TRPM3: variants seen among roughly 807,000 people sequenced by gnomAD.
TRPM3 encodes the protein long transient receptor potential channel 3.
Under a neutral mutation model 181.2 loss-of-function variants are expected in TRPM3, and 77 were observed. The ratio of observed to expected loss-of-function variants is 0.42; its 90% CI spans 0.35 to 0.51. The LOEUF (loss-of-function observed/expected upper bound fraction) is 0.51, where lower values mean the gene tolerates loss of function less well. Among genes scored for constraint, TRPM3 ranks in the 20% least tolerant of loss-of-function variants. The pLI, the probability that TRPM3 is intolerant of heterozygous loss-of-function variation, is 0.01. For missense variants in TRPM3, 1,759 were observed against 2,196.7 expected, an observed-to-expected ratio of 0.80 and a Z score of 3.98; for synonymous variants, 745 against 796.4, an observed-to-expected ratio of 0.94 and a Z score of 1.09.
Position 70,535,669 on chromosome 9 carries a change from C to T in TRPM3, c.*284G>A, listed in dbSNP as rs1003787775. 2.6e-5 allele frequency: 38 copies of T among 1,440,014 alleles called. No homozygotes were observed. Among genetic ancestry groups the T allele is most frequent in the Middle Eastern group, 2.4e-4 (1 of 4,102 alleles). 89.2% of individuals were successfully genotyped at this position (1,440,014 alleles called of 1,614,324 possible). A position where few individuals can be genotyped will look rare whatever the true frequency, so the allele number is the denominator to read the frequency against. The stretch of plus-strand genomic sequence containing the variant: ...CTCTCATGGCTTTCTGCTGTGACTG[C>T]GGATACACATTCATCTCTAACCCTT... On this transcript the variant is annotated 3_prime_UTR_variant, in exon 26 of 26. Transcript: ENST00000677713.
chr9:71,337,926 C>G (rs2090674695), intron 1 of TRPM3, among the ~76,000 whole-genome samples: 1 of 152,094 alleles, frequency 6.6e-6, no homozygotes, highest in Non-Finnish European at 1.5e-5. Flanking sequence ...ACACCAGGCC[C>G]TGTTGCAGGG....
intron 1 of TRPM3, among the ~76,000 whole-genome samples, chr9:71,097,886 A>G (rs2067597306): frequency 6.6e-6 from 1 of 152,180 alleles, no homozygotes; most frequent in South Asian, 2.1e-4. Flanking sequence ...CAGATGGCAC[A>G]AAGTTAGAGA....
intron 25 of TRPM3, among the ~76,000 whole-genome samples, chr9:70,542,160 G>C (rs2131668504): frequency 6.6e-6 from 1 of 152,272 alleles, no homozygotes; most frequent in Middle Eastern, 3.4e-3. Flanking sequence ...AGGTGTCACA[G>C]ATATAAACAG....
Position 70,777,936 on chromosome 9 carries a change from C to T in TRPM3, c.1148+6169G>A, listed in dbSNP as rs371124603. 4.6e-5 allele frequency among the ~76,000 whole-genome samples: 7 copies of T among 151,738 alleles called. No homozygotes were observed. The South Asian group carries it at 6.2e-4, about 14-fold the overall frequency. ...GGATTAATATATATACTTATGTATACGTAAAGTAATCTTATTGGATTAATT... is the reference window on the plus strand; with the variant it reads ...GGATTAATATATATACTTATGTATATGTAAAGTAATCTTATTGGATTAATT... On this transcript the variant is annotated intron_variant, in intron 7 of 25. Transcript: ENST00000677713.
intron 9 of TRPM3, among the ~76,000 whole-genome samples, chr9:70,670,464 A>T (rs1177917838): frequency 6.6e-6 from 1 of 152,176 alleles, no homozygotes; most frequent in East Asian, 1.9e-4. Flanking sequence ...TTGGACTGAG[A>T]TCTGTTTGGA....
At chr9:71,393,091 TG>T (rs2093101786) in intron 1 of TRPM3, among the ~76,000 whole-genome samples, 1 of 152,050 alleles carries the variant, frequency 6.6e-6, no homozygotes, top group African/African-American at 2.4e-5. Flanking sequence ...GATAAAGATG[TG>T]GAAAATGTCT....
intron 8 of TRPM3, chr9:70,760,568 C>T (rs1243233538): frequency 6.6e-6 from 1 of 151,740 alleles, no homozygotes; most frequent in Admixed American, 6.6e-5. Context: ...TTCTCATCTT[C>T]ACTCATCTCA....
chr9:71,103,919 CT>C (rs201494267), intron 1 of TRPM3, among the ~76,000 whole-genome samples: 317 of 144,830 alleles, frequency 2.2e-3, no homozygotes, highest in East Asian at 6.6e-3. Context: ...TGCAGCAATC[CT>C]TTTTTTTTTT....
At chr9:70,700,334 G>A (rs906433279) in intron 8 of TRPM3, among the ~76,000 whole-genome samples, 10 of 152,112 alleles carry the variant, frequency 6.6e-5, no homozygotes, top group Non-Finnish European at 1.5e-4. Context: ...GGGGGAAAGT[G>A]ACAGGTTTAT....
intron 1 of TRPM3, among the ~76,000 whole-genome samples, chr9:70,892,253 C>G (rs984010617): frequency 6.6e-6 from 1 of 151,640 alleles, no homozygotes; most frequent in African/African-American, 2.4e-5. Context: ...TATACAGTAC[C>G]AAAAGTGAAA....
At chr9:71,410,983 C>CAAAAACA (rs1400871584) in intron 1 of TRPM3, among the ~76,000 whole-genome samples, 3 of 152,182 alleles carry the variant, frequency 2.0e-5, no homozygotes, top group East Asian at 3.8e-4. Context: ...ATCATATAAA[C>CAAAAACA]AGAACCAAAG....
At chr9:71,044,498 G>A (rs1156954948) in intron 1 of TRPM3, among the ~76,000 whole-genome samples, 1 of 152,074 alleles carries the variant, frequency 6.6e-6, no homozygotes, top group Non-Finnish European at 1.5e-5. Flanking sequence ...GTTCTTTCTA[G>A]TTATTTCTAC....
At chr9:70,784,404 A>T in intron 6 of TRPM3, 125 bp from the exon 7 acceptor site, 2 of 1,029,662 alleles carry the variant, frequency 1.9e-6, no homozygotes, top group Non-Finnish European at 1.4e-6. Context: ...AGGTAGCAAC[A>T]TATGAAGGGA....
intron 1 of TRPM3, among the ~76,000 whole-genome samples, chr9:70,981,876 T>A (rs537979371): frequency 6.6e-6 from 1 of 152,300 alleles, no homozygotes; most frequent in East Asian, 1.9e-4. Flanking sequence ...CTTTGTATTA[T>A]CCCCAAACAA....
At chr9:71,098,906 C>T (rs1284559693) in intron 1 of TRPM3, among the ~76,000 whole-genome samples, 1 of 152,140 alleles carries the variant, frequency 6.6e-6, no homozygotes, top group East Asian at 1.9e-4. Context: ...TCATGCCTCC[C>T]TAGGCATTGC....
intron 1 of TRPM3, among the ~76,000 whole-genome samples, chr9:70,958,111 G>A (rs144658226): frequency 4.4e-4 from 67 of 152,272 alleles, no homozygotes; most frequent in African/African-American, 1.5e-3. Context: ...TCCCTTGGGA[G>A]TGCTCCCTGA....
chr9:70,571,257 C>A (rs2052256096), intron 22 of TRPM3, among the ~76,000 whole-genome samples: 1 of 152,164 alleles, frequency 6.6e-6, no homozygotes, highest in Non-Finnish European at 1.5e-5. Flanking sequence ...TAACCTTTGG[C>A]AGGTCACACA....
At chr9:70,547,315 C>T (rs2045241628) in intron 25 of TRPM3, among the ~76,000 whole-genome samples, 1 of 151,924 alleles carries the variant, frequency 6.6e-6, no homozygotes, top group Admixed American at 6.6e-5. Context: ...GTGTATATGT[C>T]TCTACCCCTT....
At chr9:71,312,314 A>G (rs941754299) in intron 1 of TRPM3, among the ~76,000 whole-genome samples, 2 of 152,164 alleles carry the variant, frequency 1.3e-5, no homozygotes, top group African/African-American at 4.8e-5. Context: ...CCATAATAAA[A>G]TGTCAGCAGA....
Sources: gnomAD v4.1 joint callset for allele counts (sites outside exome capture counted in the v4.1 genomes callset) on GRCh38, gnomAD v4.1.1 for gene constraint, MANE v1.5 for transcripts, NCBI Gene and HGNC (gene_info 2026-07-23, HGNC 2026-07-21) for gene names.